The following TMX1 variants were observed in gnomAD, a reference collection of about 807,000 sequenced individuals.
TMX1 encodes thioredoxin related transmembrane protein 1, also known as thioredoxin-related transmembrane protein 1.
Under a neutral mutation model 36.6 loss-of-function variants are expected in TMX1, and 25 were observed. The observed-to-expected ratio is 0.68, with a 90% CI of 0.50 to 0.95. The LOEUF is 0.95. Ranked by LOEUF, TMX1 falls within the 40% of genes least tolerant of loss-of-function variation. The pLI is 0.00. For missense variants in TMX1, 347 were observed against 339.6 expected, an observed-to-expected ratio of 1.02 and a Z score of -0.17; for synonymous variants, 133 against 118.0, an observed-to-expected ratio of 1.13 and a Z score of -0.82.
At chr14:51,252,226 T>C (rs1017413495) in intron 7 of TMX1, among the ~76,000 whole-genome samples, 2 of 115,980 alleles carry the variant, frequency 1.7e-5, no homozygotes, top group African/African-American at 5.9e-5. Flanking sequence ...TCAAGCTACT[T>C]AAGTTTTTCT....
Position 51,256,508 on chromosome 14 carries a change from G to C in TMX1, c.*1989G>C, listed in dbSNP as rs1226359419. The C allele has an allele frequency of 6.6e-6, 1 of 152,116 alleles. No homozygotes were observed. The highest frequency in any genetic ancestry group is 1.5e-5 in the Non-Finnish European group (1 of 68,010). 9.4% of individuals were successfully genotyped at this position (152,116 alleles called of 1,614,324 possible). ...TTTGGGATTATTTACAAATGGTTTAGGAAAGAATAAGGTATAGTAAAAGTA... is the reference window on the plus strand; with the variant it reads ...TTTGGGATTATTTACAAATGGTTTACGAAAGAATAAGGTATAGTAAAAGTA... On this transcript the variant is annotated 3_prime_UTR_variant, in exon 8 of 8. Transcript: ENST00000457354.
chr14:51,245,552 C>T (rs1003090426), intron 3 of TMX1, 194 bp downstream of exon 3: 4 of 1,360,174 alleles, frequency 2.9e-6, no homozygotes, highest in Non-Finnish European at 3.0e-6. Flanking sequence ...GAAACAGTCT[C>T]TGTTCTCAAA....
chr14:51,244,109 C>G, intron 2 of TMX1, 138 bp downstream of exon 2: 1 of 617,060 alleles, frequency 1.6e-6, no homozygotes, highest in Non-Finnish European at 2.5e-6. Context: ...GTTAACCTGA[C>G]TTGTCCACCT....
chr14:51,256,217 C>T lies in TMX1; in HGVS notation c.*1698C>T. On this transcript the variant is annotated 3_prime_UTR_variant, in exon 8 of 8. Coordinates refer to ENST00000457354, the MANE Select transcript of TMX1 (RefSeq NM_030755.5). ...TTTAAGGACAGTAATGCTCATTAAT[C>T]AAGCATTTTTTTTTTTTAGTGTTCT... The T allele has an allele frequency of 6.6e-6, 1 of 151,742 alleles. No individual in the cohort carries two copies. The allele number at this position is 151,742 out of a possible 1,614,324, so 9.4% of individuals were successfully genotyped here.
intron 7 of TMX1, 72 bp from the exon 8 acceptor site, chr14:51,254,269 T>C: frequency 7.2e-7 from 1 of 1,391,706 alleles, no homozygotes; most frequent in Non-Finnish European, 9.6e-7. Flanking sequence ...ATATGAGACA[T>C]TGTATCTTGA....
intron 7 of TMX1, among the ~76,000 whole-genome samples, chr14:51,250,049 G>A (rs1301871127): frequency 1.3e-5 from 2 of 152,156 alleles, no homozygotes; most frequent in South Asian, 2.1e-4. Context: ...ATTTGGTGTC[G>A]TTTTATAAGT....
intron 7 of TMX1, among the ~76,000 whole-genome samples, chr14:51,251,204 G>A (rs1442040706): frequency 6.6e-6 from 1 of 152,230 alleles, no homozygotes. Flanking sequence ...TTACGATGGT[G>A]CAAAATGAAT....
At chr14:51,241,357 A>G (rs1244597707) in intron 1 of TMX1, among the ~76,000 whole-genome samples, 2 of 152,222 alleles carry the variant, frequency 1.3e-5, no homozygotes, top group Non-Finnish European at 2.9e-5. Context: ...GTAAAAGCAT[A>G]ATTATTAACA....
At chr14:51,253,324 T>A (rs1301475725) in intron 7 of TMX1, among the ~76,000 whole-genome samples, 1 of 152,226 alleles carries the variant, frequency 6.6e-6, no homozygotes, top group African/African-American at 2.4e-5. Flanking sequence ...GAACTTACCC[T>A]TGGTAGGGAA....
In TMX1 at chr14:51,245,254, C is replaced by T. The variant is rs1464345032; in HGVS notation, c.269-59C>T. ...TATGTATTTAAATAATTCAAAGTCA[C>T]GTTTTAAGTAGTCAGTGATTGGCCT... On this transcript the variant is annotated intron_variant, in intron 2 of 7. Transcript: ENST00000457354. The T allele has an allele frequency of 1.6e-5, 25 of 1,595,406 alleles. No homozygotes were observed. The East Asian group carries it at 2.9e-4, about 19-fold the overall frequency.
At position 51,254,674 on chromosome 14, in the gene TMX1, C is replaced by T. The variant is rs1376698615; in HGVS notation, c.*155C>T. 2 of 607,440 alleles carry T rather than the reference C, an allele frequency of 3.3e-6. No homozygotes were observed. Among genetic ancestry groups the T allele is most frequent in the East Asian group, 3.2e-5 (1 of 31,360 alleles). The allele number at this position is 607,440 out of a possible 1,614,324, so 37.6% of individuals were successfully genotyped here. A position where few individuals can be genotyped will look rare whatever the true frequency, so the allele number is the denominator to read the frequency against. On this transcript the variant is annotated 3_prime_UTR_variant, in exon 8 of 8. Coordinates refer to ENST00000457354, the MANE Select transcript of TMX1 (RefSeq NM_030755.5). The stretch of plus-strand genomic sequence containing the variant: ...AGAGTCTACATTCAGAACATAAAAG[C>T]ACTAGGTATACAAGTTTGAAATATG...
At chr14:51,249,401 A>T in intron 5 of TMX1, 30 bp downstream of exon 5, 1 of 1,597,786 alleles carries the variant, frequency 6.3e-7, no homozygotes, top group South Asian at 1.1e-5. Flanking sequence ...TATCTTAAAC[A>T]TTTTTACCAC....
At chr14:51,245,204 A>G (rs1343130708) in intron 2 of TMX1, 109 bp from the exon 3 acceptor site, 14 of 1,289,922 alleles carry the variant, frequency 1.1e-5, no homozygotes, top group Admixed American at 2.1e-5. Context: ...ACTATTAGGT[A>G]TAATTTCATA....
Position 51,249,720 on chromosome 14 carries a change from T to G in TMX1, c.619T>G (p.Cys207Gly). Residue 207 changes from cysteine (C) to glycine (G), a missense_variant, in exon 7 of 8, where the codon TGT (cysteine) becomes GGT (glycine). Transcript: ENST00000457354. ...TATGATATTTGTGGCAGATTGCCTT[T>G]GTCCTTCAAAAAGGCGCAGACCACA... is the stretch of plus-strand genomic sequence containing the variant. ...LCMIFVADCL[C>G]PSKRRRPQPY... The G allele has an allele frequency of 6.2e-7, 1 of 1,613,690 alleles. No individual in the cohort carries two copies. Among genetic ancestry groups the G allele is most frequent in the Non-Finnish European group, 8.5e-7 (1 of 1,179,740 alleles).
At chr14:51,244,102 A>C in intron 2 of TMX1, 131 bp downstream of exon 2, 1 of 689,996 alleles carries the variant, frequency 1.4e-6, no homozygotes, top group African/African-American at 1.8e-5. Flanking sequence ...GCAGCTAGTT[A>C]ACCTGACTTG....
At position 51,248,081 on chromosome 14, in the gene TMX1, G is replaced by A. The variant is rs376369443; in HGVS notation, c.443+861G>A. ...TGAATAGTGTGTATAAACGGTGACC[G>A]TAATAGTGTGCCTAAGCACTGAGCT... is the stretch of plus-strand genomic sequence containing the variant. On this transcript the variant is annotated intron_variant, in intron 4 of 7. Coordinates refer to ENST00000457354, the MANE Select transcript of TMX1 (RefSeq NM_030755.5). Among the ~76,000 whole-genome samples the A allele has an allele frequency of 1.7e-3, 264 of 152,332 alleles. 1 individual carries two copies. The highest frequency in any genetic ancestry group is 0.013 in the South Asian group (64 of 4,826).
chr14:51,245,659 G>A (rs1163859002), intron 3 of TMX1: 4 of 443,584 alleles, frequency 9.0e-6, no homozygotes, highest in Admixed American at 7.4e-5. Flanking sequence ...GGTGAGTCCT[G>A]TAGGTAATTG....
intron 7 of TMX1, among the ~76,000 whole-genome samples, chr14:51,251,834 C>T (rs1276293903): frequency 6.6e-6 from 1 of 152,100 alleles, no homozygotes; most frequent in Admixed American, 6.5e-5. Context: ...TTAAAATTCC[C>T]AGGTGAAGTT....
chr14:51,248,840 A>G (rs2065798395), intron 4 of TMX1, among the ~76,000 whole-genome samples: 1 of 152,208 alleles, frequency 6.6e-6, no homozygotes, highest in Admixed American at 6.5e-5. Context: ...AAAGATGTCA[A>G]ACTAATGCTC....
Sources: allele counts gnomAD v4.1 joint callset (sites outside exome capture counted in the v4.1 genomes callset), GRCh38; gene constraint gnomAD v4.1.1; transcripts MANE v1.5; gene names NCBI Gene and HGNC (gene_info 2026-07-23, HGNC 2026-07-21).